The following MDGA2 variants were observed in gnomAD, a reference collection of about 807,000 sequenced individuals.
The protein encoded by MDGA2 is MAM domain containing glycosylphosphatidylinositol anchor 2, also known as MAM domain-containing glycosylphosphatidylinositol anchor protein 2.
Under a neutral mutation model 117.8 loss-of-function variants are expected in MDGA2, and 40 were observed. The ratio of observed to expected loss-of-function variants is 0.34; its 90% confidence interval spans 0.26 to 0.44. The LOEUF is 0.44. Ranked by LOEUF, MDGA2 falls within the 20% of genes least tolerant of loss-of-function variation. The pLI is 1.00. For synonymous variants in MDGA2, 452 were observed against 439.0 expected (o/e 1.03, Z -0.37); for missense variants, 1,123 against 1,250.6 (o/e 0.90, Z 1.54).
chr14:47,484,218 A>T (rs1435971011), intron 1 of MDGA2, among the ~76,000 whole-genome samples: 1 of 152,160 alleles, frequency 6.6e-6, no homozygotes, highest in African/African-American at 2.4e-5. Flanking sequence ...GAATTATGAT[A>T]TAAAAATTAT....
intron 1 of MDGA2, among the ~76,000 whole-genome samples, chr14:47,402,412 CAG>C (rs34273111): frequency 0.27 from 39,164 of 147,632 alleles, 5,443 homozygotes; most frequent in Middle Eastern, 0.42. Context: ...GATTCTCTAA[CAG>C]AGTCTTATTT....
chr14:47,277,714 G>A (rs1888351410), intron 2 of MDGA2, among the ~76,000 whole-genome samples: 1 of 152,094 alleles, frequency 6.6e-6, no homozygotes, highest in African/African-American at 2.4e-5. Context: ...AAATGATAGG[G>A]CTAAGAAATA....
intron 1 of MDGA2, among the ~76,000 whole-genome samples, chr14:47,595,808 C>T (rs185178400): frequency 6.6e-6 from 1 of 152,076 alleles, no homozygotes; most frequent in South Asian, 2.1e-4. Flanking sequence ...CCCCATAACT[C>T]AATGTTCTTA....
chr14:46,873,269 G>A (rs1399811008), intron 14 of MDGA2, 164 bp downstream of exon 14: 1 of 573,356 alleles, frequency 1.7e-6, no homozygotes, highest in African/African-American at 1.9e-5. Context: ...TAGATGGTGG[G>A]AAAAAATTCT....
chr14:47,325,047 C>G (rs1890102979), intron 1 of MDGA2, among the ~76,000 whole-genome samples: 1 of 151,930 alleles, frequency 6.6e-6, no homozygotes, highest in African/African-American at 2.4e-5. Flanking sequence ...TGTAGCACAA[C>G]TTTAGGAGTA....
chr14:47,482,136 G>A (rs564668837), intron 1 of MDGA2, among the ~76,000 whole-genome samples: 2 of 152,130 alleles, frequency 1.3e-5, no homozygotes, highest in African/African-American at 2.4e-5. Flanking sequence ...CGTTCTTAAA[G>A]ACATTGTAAT....
intron 4 of MDGA2, among the ~76,000 whole-genome samples, chr14:47,138,227 A>G (rs1882551642): frequency 6.6e-6 from 1 of 152,082 alleles, no homozygotes; most frequent in African/African-American, 2.4e-5. Flanking sequence ...TTTGTTGATC[A>G]TTTGAATTTG....
At chr14:46,842,090 A>C in intron 16 of MDGA2, 71 bp from the exon 17 acceptor site, 1 of 883,070 alleles carries the variant, frequency 1.1e-6, no homozygotes, top group Non-Finnish European at 1.8e-6. Flanking sequence ...TACTAACACA[A>C]CCTTGGTGAA....
intron 2 of MDGA2, among the ~76,000 whole-genome samples, chr14:47,230,464 A>T (rs1263821064): frequency 6.6e-6 from 1 of 151,994 alleles, no homozygotes; most frequent in East Asian, 1.9e-4. Context: ...AACAAGTTAA[A>T]TTAAAATGGC....
chr14:47,174,516 A>T (rs149027145), intron 3 of MDGA2, among the ~76,000 whole-genome samples: 1 of 152,166 alleles, frequency 6.6e-6, no homozygotes, highest in Admixed American at 6.5e-5. Flanking sequence ...GCTCAACAAC[A>T]TGGAAACTGA....
chr14:47,013,772 G>GTATATATATATATGTATA (rs1887980054), intron 8 of MDGA2, among the ~76,000 whole-genome samples: 1 of 93,686 alleles, frequency 1.1e-5, no homozygotes, highest in Non-Finnish European at 2.2e-5. Flanking sequence ...TAATTTCCTT[G>GTATATATATATATGTATA]TATATATATA....
chr14:47,421,610 A>G (rs186488118), intron 1 of MDGA2, among the ~76,000 whole-genome samples: 2 of 152,286 alleles, frequency 1.3e-5, no homozygotes, highest in African/African-American at 4.8e-5. Context: ...ATTTTGTATA[A>G]TGTTGCATAA....
At chr14:46,963,495 T>G (rs1007425105) in intron 8 of MDGA2, among the ~76,000 whole-genome samples, 3 of 152,248 alleles carry the variant, frequency 2.0e-5, no homozygotes, top group Non-Finnish European at 4.4e-5. Context: ...TATTCTTGTC[T>G]TGATGACTAT....
chr14:47,622,217 AAAAG>A (rs1897062240), intron 1 of MDGA2, among the ~76,000 whole-genome samples: 1 of 152,218 alleles, frequency 6.6e-6, no homozygotes, highest in African/African-American at 2.4e-5. Context: ...AGAGAGCCAC[AAAAG>A]AGAGAAGAAG....
At chr14:47,672,758 C>T (rs1265239549) in intron 1 of MDGA2, among the ~76,000 whole-genome samples, 1 of 152,212 alleles carries the variant, frequency 6.6e-6, no homozygotes, top group Admixed American at 6.5e-5. Flanking sequence ...TCCTAAGGAA[C>T]AGCCCTTTGA....
intron 2 of MDGA2, among the ~76,000 whole-genome samples, chr14:47,273,349 A>G (rs1888208470): frequency 6.6e-6 from 1 of 152,152 alleles, no homozygotes; most frequent in African/African-American, 2.4e-5. Flanking sequence ...TTGAATAACA[A>G]TATTTTAGTG....
chr14:47,599,304 A>C (rs2138875104), intron 1 of MDGA2, among the ~76,000 whole-genome samples: 1 of 149,102 alleles, frequency 6.7e-6, no homozygotes, highest in African/African-American at 2.6e-5. Flanking sequence ...GGAAACTAAG[A>C]CAAATGCTGT....
intron 7 of MDGA2, among the ~76,000 whole-genome samples, chr14:47,047,847 T>A (rs1176405023): frequency 2.0e-5 from 3 of 151,890 alleles, no homozygotes; most frequent in African/African-American, 4.8e-5. Context: ...ATAAATAAAT[T>A]TTATTGCTGT....
chr14:47,072,101 T>TGGC (rs1555349461), intron 6 of MDGA2, among the ~76,000 whole-genome samples: 3 of 51,664 alleles, frequency 5.8e-5, no homozygotes, highest in African/African-American at 1.6e-4. Flanking sequence ...TGTTGTTGTT[T>TGGC]GGGGGGGGGG....
Sources: allele counts gnomAD v4.1 joint callset (sites outside exome capture counted in the v4.1 genomes callset), GRCh38; gene constraint gnomAD v4.1.1; transcripts MANE v1.5; gene names NCBI Gene and HGNC (gene_info 2026-07-23, HGNC 2026-07-21).